The following MRPS28 variants were observed in gnomAD, a reference collection of about 807,000 sequenced individuals.
The protein encoded by MRPS28 is small ribosomal subunit protein bS1m.
Under a neutral mutation model 10.8 loss-of-function variants are expected in MRPS28, and 7 were observed. The ratio of observed to expected loss-of-function variants is 0.65; its 90% confidence interval spans 0.37 to 1.22. The LOEUF is 1.22. MRPS28 is among the 50% of genes most tolerant of loss of function. MRPS28 has a pLI of 0.02. For synonymous variants in MRPS28, 121 were observed against 93.3 expected (o/e 1.30, Z -1.71); for missense variants, 265 against 232.9 (o/e 1.14, Z -0.90).
chr8:80,004,159 T>A (rs546694615), intron 1 of MRPS28, among the ~76,000 whole-genome samples: 2 of 152,284 alleles, frequency 1.3e-5, no homozygotes, highest in South Asian at 2.1e-4. Flanking sequence ...AGCACTGAGT[T>A]TGAGATCTGA....
chr8:79,973,094 T>C (rs1424071234), intron 2 of MRPS28, among the ~76,000 whole-genome samples: 1 of 152,212 alleles, frequency 6.6e-6, no homozygotes, highest in Admixed American at 6.5e-5. Flanking sequence ...CTAGCCACTA[T>C]AACCATACAA....
Position 79,922,130 on chromosome 8 carries a change from A to T in MRPS28, c.396-2982T>A, listed in dbSNP as rs371493825. Among the ~76,000 whole-genome samples, 6 of 152,358 alleles carry T rather than the reference A, an allele frequency of 3.9e-5. 1 individual carries two copies. Among genetic ancestry groups the T allele is most frequent in the Admixed American group, 6.5e-5 (1 of 15,294 alleles). On this transcript the variant is annotated intron_variant, in intron 2 of 2. Transcript: ENST00000276585. The stretch of plus-strand genomic sequence containing the variant: ...TTTTAAAGTAAAATTTTACGAAAGC[A>T]AAATGGAAAAATGTCTAAGTGTAAA...
At chr8:79,949,913 C>T (rs994071546) in intron 2 of MRPS28, among the ~76,000 whole-genome samples, 19 of 152,146 alleles carry the variant, frequency 1.2e-4, no homozygotes, top group African/African-American at 3.6e-4. Context: ...AAAAGGTTTT[C>T]GTTACTTTAA....
At chr8:79,946,809 C>A (rs1018766911) in intron 2 of MRPS28, among the ~76,000 whole-genome samples, 2 of 152,032 alleles carry the variant, frequency 1.3e-5, no homozygotes, top group African/African-American at 4.8e-5. Context: ...AAATAACAAG[C>A]GTTTGTATTT....
chr8:79,982,878 T>TA (rs773653498), intron 2 of MRPS28, among the ~76,000 whole-genome samples: 3 of 151,520 alleles, frequency 2.0e-5, no homozygotes, highest in Non-Finnish European at 4.4e-5. Flanking sequence ...TCTGCAGACT[T>TA]AAATGTCCCT....
chr8:80,012,843 C>A (rs1809090989), intron 1 of MRPS28, among the ~76,000 whole-genome samples: 1 of 152,056 alleles, frequency 6.6e-6, no homozygotes, highest in Non-Finnish European at 1.5e-5. Flanking sequence ...ATATATTAAG[C>A]ATATATATAC....
In MRPS28 at chr8:79,947,240, G is replaced by A. The variant is rs1806941877; in HGVS notation, c.396-28092C>T. ...CTTAAAATAAACATAAAATATGTGC[G>A]AGAGCTTCATGGAAACCAACCAAAA... On this transcript the variant is annotated intron_variant, in intron 2 of 2. Coordinates refer to ENST00000276585, the MANE Select transcript of MRPS28 (RefSeq NM_014018.3). 3.9e-5 allele frequency among the ~76,000 whole-genome samples: 6 copies of A among 152,232 alleles called. No homozygotes were observed. In the South Asian group the frequency reaches 1.0e-3, roughly 26 times the overall value.
chr8:79,931,230 A>AT, intron 2 of MRPS28, among the ~76,000 whole-genome samples: 1 of 152,242 alleles, frequency 6.6e-6, no homozygotes, highest in African/African-American at 2.4e-5. Flanking sequence ...ATAAGCATTC[A>AT]TTTCCCCTAT....
chr8:80,026,004 T>C (rs1809485623), intron 1 of MRPS28, among the ~76,000 whole-genome samples: 1 of 152,200 alleles, frequency 6.6e-6, no homozygotes, highest in South Asian at 2.1e-4. Context: ...CTCTCCAGCC[T>C]TGAGAAAGTA....
intron 1 of MRPS28, among the ~76,000 whole-genome samples, chr8:80,024,338 G>C (rs1400957886): frequency 6.6e-6 from 1 of 152,126 alleles, no homozygotes; most frequent in African/African-American, 2.4e-5. Flanking sequence ...AAGAAAAGTA[G>C]GTAAGTGAGC....
intron 1 of MRPS28, among the ~76,000 whole-genome samples, chr8:80,009,385 CTGCACAT>C (rs1297185170): frequency 7.2e-5 from 11 of 151,822 alleles, no homozygotes; most frequent in Admixed American, 2.0e-4. Flanking sequence ...TGTAACAAAC[CTGCACAT>C]TGTGCACATG....
chr8:79,996,275 G>A (rs1808499798), intron 2 of MRPS28, among the ~76,000 whole-genome samples: 2 of 152,092 alleles, frequency 1.3e-5, no homozygotes, highest in Non-Finnish European at 2.9e-5. Context: ...TGTGACTAGA[G>A]GTCTTACCAC....
At chr8:79,932,469 A>C (rs1806488121) in intron 2 of MRPS28, among the ~76,000 whole-genome samples, 1 of 152,154 alleles carries the variant, frequency 6.6e-6, no homozygotes. Flanking sequence ...TCAAAACCAA[A>C]AGGCCAGTGT....
intron 2 of MRPS28, among the ~76,000 whole-genome samples, chr8:79,968,477 T>C (rs922747642): frequency 1.3e-5 from 2 of 152,184 alleles, no homozygotes; most frequent in Non-Finnish European, 2.9e-5. Flanking sequence ...AATCTTTGTA[T>C]CTGTGTTACA....
At chr8:79,929,565 T>TA (rs1806404042) in intron 2 of MRPS28, among the ~76,000 whole-genome samples, 1 of 152,010 alleles carries the variant, frequency 6.6e-6, no homozygotes, top group Non-Finnish European at 1.5e-5. Context: ...GGTTTAATAT[T>TA]AAAAAGGTGA....
intron 2 of MRPS28, chr8:79,958,550 A>G (rs1807288039): frequency 1.0e-5 from 6 of 572,298 alleles, no homozygotes; most frequent in Non-Finnish European, 1.8e-5. Flanking sequence ...ATTTATTAAG[A>G]AAGAGAGTCA....
At chr8:79,985,807 C>A (rs59673793) in intron 2 of MRPS28, among the ~76,000 whole-genome samples, 2,170 of 152,026 alleles carry the variant, frequency 0.014, 54 homozygotes, top group African/African-American at 0.049. Context: ...CAAAAAGAGT[C>A]CAGGACCAGA....
In MRPS28 at chr8:80,019,350, A is replaced by G. The variant is rs1252813325; in HGVS notation, c.213+10686T>C. Among the ~76,000 whole-genome samples, 3 of 149,942 alleles carry G rather than the reference A, an allele frequency of 2.0e-5. No homozygotes were observed. In the East Asian group the frequency reaches 5.8e-4, roughly 29 times the overall value. On this transcript the variant is annotated intron_variant, in intron 1 of 2. Transcript: ENST00000276585. Reference sequence around the variant, plus strand: ...CTATGTACCCACAAAAATTAAAAATAGAAAAAAAATGTAATCCATCACATC... The same window carrying G: ...CTATGTACCCACAAAAATTAAAAATGGAAAAAAAATGTAATCCATCACATC...
intron 1 of MRPS28, among the ~76,000 whole-genome samples, chr8:80,029,270 A>G (rs1456815271): frequency 1.3e-5 from 2 of 152,222 alleles, no homozygotes; most frequent in African/African-American, 4.8e-5. Flanking sequence ...AAATGACCCT[A>G]TAACCCAGGA....
Sources: allele counts gnomAD v4.1 joint callset (sites outside exome capture counted in the v4.1 genomes callset), GRCh38; gene constraint gnomAD v4.1.1; transcripts MANE v1.5; gene names NCBI Gene and HGNC (gene_info 2026-07-23, HGNC 2026-07-21).